Variants in JDP2 observed in about 807,000 individuals in gnomAD.
JDP2 encodes progesterone receptor co-activator.
A neutral mutation model predicts 17.1 loss-of-function variants in JDP2; 9 were observed. The observed-to-expected ratio is 0.53, with a 90% CI of 0.32 to 0.92. The LOEUF (loss-of-function observed/expected upper bound fraction) is 0.92, where lower values mean the gene tolerates loss of function less well. Among genes scored for constraint, JDP2 ranks in the 40% least tolerant of loss-of-function variants. JDP2 has a pLI of 0.04. For synonymous variants in JDP2, 107 were observed against 95.6 expected, an observed-to-expected ratio of 1.12 and a Z score of -0.69; for missense variants, 179 against 220.0, an observed-to-expected ratio of 0.81 and a Z score of 1.18.
At chr14:75,460,505 T>G (rs1392616362) in intron 2 of JDP2, among the ~76,000 whole-genome samples, 1 of 152,102 alleles carries the variant, frequency 6.6e-6, no homozygotes, top group African/African-American at 2.4e-5. Context: ...AAGGTGGCAG[T>G]GGAATGTGGA....
At chr14:75,460,173 T>A (rs1400474852) in intron 2 of JDP2, among the ~76,000 whole-genome samples, 1 of 152,198 alleles carries the variant, frequency 6.6e-6, no homozygotes, top group Non-Finnish European at 1.5e-5. Flanking sequence ...TAGTGGGCAG[T>A]GAGTCTCCTT....
At position 75,472,284 on chromosome 14, in the gene JDP2, C is replaced by T. The variant is rs1018093526; in HGVS notation, c.*2809C>T. ...AGGCACACAGAAGAGGTAACCTGCC[C>T]AAGGTCACAGGTGTTAGGTGGCAGA... On this transcript the variant is annotated 3_prime_UTR_variant, in exon 4 of 4. Transcript: ENST00000651602. The T allele has an allele frequency of 6.6e-6, 1 of 152,210 alleles. No individual in the cohort carries two copies. The highest frequency in any genetic ancestry group is 2.4e-5 in the African/African-American group (1 of 41,444). The allele number at this position is 152,210 out of a possible 1,614,324, so 9.4% of individuals were successfully genotyped here.
chr14:75,445,813 T>C (rs759951015), intron 2 of JDP2: 2 of 160,936 alleles, frequency 1.2e-5, no homozygotes, highest in Non-Finnish European at 2.6e-5. Flanking sequence ...AAAAATAAAT[T>C]GGACATCTTC....
At chr14:75,452,998 G>T (rs1885935242) in intron 2 of JDP2, among the ~76,000 whole-genome samples, 2 of 152,244 alleles carry the variant, frequency 1.3e-5, no homozygotes, top group Non-Finnish European at 2.9e-5. Context: ...GCCCCATGGG[G>T]GATGCTGGGA....
Position 75,466,612 on chromosome 14 carries a change from C to T in JDP2, c.307-2678C>T, listed in dbSNP as rs989376182. Among the ~76,000 whole-genome samples the T allele has an allele frequency of 1.3e-4, 20 of 152,300 alleles. No homozygotes were observed. The South Asian group carries it at 2.7e-3, about 21-fold the overall frequency. ...CACTGATCTTTGTGTGTGATACAGACGCTCCCACATAGAGTTGGTTTGACA... is the reference window on the plus strand; with the variant it reads ...CACTGATCTTTGTGTGTGATACAGATGCTCCCACATAGAGTTGGTTTGACA... On this transcript the variant is annotated intron_variant, in intron 3 of 3. Transcript: ENST00000651602.
At chr14:75,468,595 C>A (rs1886671907) in intron 3 of JDP2, among the ~76,000 whole-genome samples, 1 of 152,200 alleles carries the variant, frequency 6.6e-6, no homozygotes. Context: ...CCAGCTGAGC[C>A]GGAAGTTCCC....
In JDP2 at chr14:75,431,043, A is replaced by T. The variant is rs538060115; in HGVS notation, c.-24+2791A>T. ...CTTCAGCTGGCCAGTGGCATTTTTTAAAAAAAAGACCAGGGCGATTATCAC... is the reference window on the plus strand; with the variant it reads ...CTTCAGCTGGCCAGTGGCATTTTTTTAAAAAAAGACCAGGGCGATTATCAC... On this transcript the variant is annotated intron_variant, in intron 1 of 3. Coordinates refer to ENST00000651602, the MANE Select transcript of JDP2 (RefSeq NM_001135048.2). 5.4e-3 allele frequency among the ~76,000 whole-genome samples: 821 copies of T among 151,956 alleles called. 9 individuals carry two copies. Among genetic ancestry groups the T allele is most frequent in the African/African-American group, 0.019 (778 of 41,388 alleles).
At chr14:75,464,594 C>T (rs147944624) in intron 3 of JDP2, among the ~76,000 whole-genome samples, 1 of 152,296 alleles carries the variant, frequency 6.6e-6, no homozygotes, top group East Asian at 1.9e-4. Context: ...ATTTTGGTAT[C>T]CTCGGGGAGT....
chr14:75,469,413 G>T lies in JDP2; in HGVS notation c.430G>T (p.Asp144Tyr), dbSNP rs766763811. 1.9e-6 allele frequency: 3 copies of T among 1,614,092 alleles called. No homozygotes were observed. The South Asian group carries it at 3.3e-5, about 18-fold the overall frequency. The change falls in exon 4 of 4, where the codon GAC becomes TAC. Residue 144 changes from aspartate to tyrosine, a missense_variant. Physicochemically the swap from Asp to Tyr is radical, Grantham distance 160 (BLOSUM62 -3). Transcript: ENST00000651602. ...CCGCCCCACCTGCATCGTCCGGACC[G>T]ACAGTGTCAAGACCCCCGAGTCAGA... is the stretch of plus-strand genomic sequence containing the variant. ...RHRPTCIVRT[D>Y]SVKTPESEGN...
chr14:75,461,867 G>C (rs1480769249), intron 3 of JDP2, among the ~76,000 whole-genome samples: 4 of 152,206 alleles, frequency 2.6e-5, no homozygotes, highest in African/African-American at 9.6e-5. Flanking sequence ...TTCCCTGGTG[G>C]CTACCAAAGT....
rs535574657 is a variant in JDP2 at position 75,445,097 on chromosome 14, G to A, written c.201+6976G>A. 59 of 985,216 alleles carry A rather than the reference G, an allele frequency of 6.0e-5. 1 individual carries two copies. The highest frequency in any genetic ancestry group is 1.0e-4 in the African/African-American group (6 of 57,304). 61.0% of individuals were successfully genotyped at this position (985,216 alleles called of 1,614,324 possible). A position where few individuals can be genotyped will look rare whatever the true frequency, so the allele number is the denominator to read the frequency against. On this transcript the variant is annotated intron_variant, in intron 2 of 3. Coordinates refer to ENST00000651602, the MANE Select transcript of JDP2 (RefSeq NM_001135048.2). ...TTACTTTGATGTTTCCAGGTCCACCGGCAACATGGACTCAGAGTTGGGAAA... is the reference window on the plus strand; with the variant it reads ...TTACTTTGATGTTTCCAGGTCCACCAGCAACATGGACTCAGAGTTGGGAAA...
intron 2 of JDP2, among the ~76,000 whole-genome samples, chr14:75,446,989 T>G (rs1316195693): frequency 7.9e-5 from 12 of 152,178 alleles, no homozygotes; most frequent in Admixed American, 7.8e-4. Context: ...TGAAGAAGCC[T>G]TTTTTCCTTT....
chr14:75,435,953 A>G (rs1330022243), intron 1 of JDP2, among the ~76,000 whole-genome samples: 1 of 152,178 alleles, frequency 6.6e-6, no homozygotes, highest in Non-Finnish European at 1.5e-5. Context: ...CATGCTGAGG[A>G]TGAAATGGCG....
intron 2 of JDP2, among the ~76,000 whole-genome samples, chr14:75,459,539 G>C: frequency 6.6e-6 from 1 of 152,210 alleles, no homozygotes; most frequent in Non-Finnish European, 1.5e-5. Flanking sequence ...TGCTGGTCTC[G>C]GGCCCAGGCG....
At chr14:75,429,451 A>G (rs181816375) in intron 1 of JDP2, among the ~76,000 whole-genome samples, 1 of 152,030 alleles carries the variant, frequency 6.6e-6, no homozygotes, top group East Asian at 1.9e-4. Flanking sequence ...GAAGCTTTGA[A>G]CCATGTTTGG....
intron 2 of JDP2, among the ~76,000 whole-genome samples, chr14:75,440,280 G>A (rs571046727): frequency 3.9e-4 from 59 of 152,220 alleles, no homozygotes; most frequent in Non-Finnish European, 6.0e-4. Flanking sequence ...AGATTGTACC[G>A]ATGTAGAGAG....
At chr14:75,467,900 G>A (rs756641086) in intron 3 of JDP2, among the ~76,000 whole-genome samples, 20 of 152,026 alleles carry the variant, frequency 1.3e-4, no homozygotes, top group South Asian at 1.2e-3. Flanking sequence ...TTCTCTCAGC[G>A]TCTGGTCACG....
intron 2 of JDP2, among the ~76,000 whole-genome samples, chr14:75,439,486 A>C (rs1437969006): frequency 6.6e-6 from 1 of 152,260 alleles, no homozygotes; most frequent in African/African-American, 2.4e-5. Context: ...TCCTCTTTCC[A>C]GTGGGCCACA....
At chr14:75,463,628 G>A (rs764601540) in intron 3 of JDP2, among the ~76,000 whole-genome samples, 24 of 152,138 alleles carry the variant, frequency 1.6e-4, no homozygotes, top group Non-Finnish European at 2.6e-4. Flanking sequence ...TGAGATGGAG[G>A]CCCTAGGGGG....
Sources: allele counts gnomAD v4.1 joint callset (sites outside exome capture counted in the v4.1 genomes callset), GRCh38; gene constraint gnomAD v4.1.1; transcripts MANE v1.5; gene names NCBI Gene and HGNC (gene_info 2026-07-23, HGNC 2026-07-21).